The following RPAP2 variants were observed in gnomAD, a reference collection of about 807,000 sequenced individuals.
RPAP2 encodes the protein putative RNA polymerase II subunit B1 CTD phosphatase RPAP2.
RPAP2 carries 52 observed loss-of-function variants against 73.1 expected under a neutral mutation model. The observed-to-expected ratio is 0.71, with a 90% CI of 0.57 to 0.90. RPAP2 has a LOEUF of 0.90. Among genes scored for constraint, RPAP2 ranks in the 40% least tolerant of loss-of-function variants. The probability of loss-of-function intolerance (pLI) is 0.00; values close to 1 mark genes in which losing one functional copy is unlikely to be tolerated. For synonymous variants in RPAP2, 225 were observed against 242.1 expected (o/e 0.93, Z 0.65); for missense variants, 598 against 701.8 (o/e 0.85, Z 1.67).
chr1:92,318,908 T>C (rs868574101), intron 6 of RPAP2, among the ~76,000 whole-genome samples: 3 of 152,280 alleles, frequency 2.0e-5, no homozygotes, highest in South Asian at 4.1e-4. Flanking sequence ...GTAGGAAATA[T>C]GGAAGTTGAA....
chr1:92,381,353 C>T (rs1256967734), intron 12 of RPAP2, among the ~76,000 whole-genome samples: 1 of 152,184 alleles, frequency 6.6e-6, no homozygotes, highest in East Asian at 1.9e-4. Flanking sequence ...TTTGTTGAAT[C>T]CTAACCCTGT....
chr1:92,356,591 T>TG (rs1322429132), intron 11 of RPAP2, among the ~76,000 whole-genome samples: 2 of 150,098 alleles, frequency 1.3e-5, no homozygotes, highest in South Asian at 2.1e-4. Context: ...GCTAATTTTT[T>TG]TTTTTTTTTT....
intron 11 of RPAP2, among the ~76,000 whole-genome samples, chr1:92,357,488 G>C (rs1437904274): frequency 6.6e-6 from 1 of 152,148 alleles, no homozygotes; most frequent in Non-Finnish European, 1.5e-5. Context: ...AAAAAAGCAA[G>C]ATAAGGCTGA....
intron 7 of RPAP2, 65 bp downstream of exon 7, chr1:92,320,699 C>CCCTG: frequency 7.5e-7 from 1 of 1,324,828 alleles, no homozygotes; most frequent in Non-Finnish European, 1.1e-6. Context: ...TAGGAGTGAA[C>CCCTG]CAGGTGATAT....
intron 10 of RPAP2, among the ~76,000 whole-genome samples, chr1:92,340,689 C>T (rs1011953809): frequency 6.6e-5 from 10 of 152,112 alleles, no homozygotes; most frequent in Admixed American, 2.0e-4. Context: ...GAGTTAAGAG[C>T]CTATTTTGGG....
In RPAP2 at chr1:92,374,171, CAA is replaced by C. The variant is rs1016589835; in HGVS notation, c.1689-6552_1689-6551del. ...CTATTCTATTACATTGAGAAGCCAACAAGAGAGATTATAAAGAATCAGGGGTA... is the reference window on the plus strand; with the variant it reads ...CTATTCTATTACATTGAGAAGCCAACGAGAGATTATAAAGAATCAGGGGTA... On this transcript the variant is annotated intron_variant, in intron 11 of 12. Coordinates refer to ENST00000610020, the MANE Select transcript of RPAP2 (RefSeq NM_024813.3). Among the ~76,000 whole-genome samples, 63 of 152,084 alleles carry C rather than the reference CAA, an allele frequency of 4.1e-4. 1 individual carries two copies. Among genetic ancestry groups the C allele is most frequent in the African/African-American group, 1.5e-3 (62 of 41,476 alleles).
intron 6 of RPAP2, among the ~76,000 whole-genome samples, chr1:92,314,483 G>T (rs1466744258): frequency 2.0e-5 from 3 of 152,140 alleles, no homozygotes; most frequent in Non-Finnish European, 4.4e-5. Flanking sequence ...GGACACAGAG[G>T]CTAACACCAG....
At chr1:92,330,832 A>G (rs1236207923) in intron 8 of RPAP2, among the ~76,000 whole-genome samples, 2 of 152,194 alleles carry the variant, frequency 1.3e-5, no homozygotes, top group Admixed American at 6.5e-5. Context: ...AGTGCTTACT[A>G]TACAATGTGT....
chr1:92,364,533 A>G (rs141489129), intron 11 of RPAP2, among the ~76,000 whole-genome samples: 6 of 151,986 alleles, frequency 3.9e-5, no homozygotes, highest in African/African-American at 1.2e-4. Context: ...CTTCATTTGG[A>G]TATCTCCCAA....
chr1:92,378,183 T>C (rs1027713663), intron 11 of RPAP2, among the ~76,000 whole-genome samples: 3 of 151,528 alleles, frequency 2.0e-5, no homozygotes. Flanking sequence ...ACCACTTTAT[T>C]TATTCATTCA....
rs1655923846 is a variant in RPAP2 at position 92,387,913 on chromosome 1, T to C, written c.*902T>C. 6.6e-6 allele frequency: 1 copy of C among 152,184 alleles called. No homozygotes were observed. The highest frequency in any genetic ancestry group is 2.4e-5 in the African/African-American group (1 of 41,448). 9.4% of individuals were successfully genotyped at this position (152,184 alleles called of 1,614,324 possible). A position where few individuals can be genotyped will look rare whatever the true frequency, so the allele number is the denominator to read the frequency against. ...ATTGGCTACTGCCATACAATCTCTA[T>C]GGGAAAGGACTGCAAAAACTAAATT... On this transcript the variant is annotated 3_prime_UTR_variant, in exon 13 of 13. Transcript: ENST00000610020.
chr1:92,316,916 G>A (rs1221566300), intron 6 of RPAP2, among the ~76,000 whole-genome samples: 1 of 152,194 alleles, frequency 6.6e-6, no homozygotes, highest in African/African-American at 2.4e-5. Flanking sequence ...GGGGATGAGG[G>A]AAGGTATTTA....
chr1:92,387,248 T>A lies in RPAP2; in HGVS notation c.*237T>A, dbSNP rs1162355858. 15 of 346,230 alleles carry A rather than the reference T, an allele frequency of 4.3e-5. No individual in the cohort carries two copies. In the East Asian group the frequency reaches 6.5e-4, roughly 15 times the overall value. The allele number at this position is 346,230 out of a possible 1,614,324, so 21.4% of individuals were successfully genotyped here. A position where few individuals can be genotyped will look rare whatever the true frequency, so the allele number is the denominator to read the frequency against. ...AATAACCAAGTCTTTGTATCCCTAG[T>A]ACAAGACATAGTATTTTTATTCGAA... On this transcript the variant is annotated 3_prime_UTR_variant, in exon 13 of 13. Transcript: ENST00000610020.
At chr1:92,303,186 C>G (rs551780263) in intron 3 of RPAP2, among the ~76,000 whole-genome samples, 46 of 152,174 alleles carry the variant, frequency 3.0e-4, no homozygotes, top group African/African-American at 1.1e-3. Context: ...GTTGATAGAT[C>G]TTTTTCTAAA....
chr1:92,339,935 T>C (rs1653509901), intron 10 of RPAP2, among the ~76,000 whole-genome samples: 1 of 152,208 alleles, frequency 6.6e-6, no homozygotes, highest in Non-Finnish European at 1.5e-5. Flanking sequence ...TTATCTAGAT[T>C]AGCAGTAGTG....
chr1:92,373,158 CAAAG>C (rs67356724), intron 11 of RPAP2, among the ~76,000 whole-genome samples: 7,293 of 151,088 alleles, frequency 0.048, 594 homozygotes, highest in African/African-American at 0.17. Context: ...GGAGAAAAAG[CAAAG>C]AAAGGAAGTA....
chr1:92,346,900 T>C (rs576659258), intron 11 of RPAP2, among the ~76,000 whole-genome samples: 11 of 152,218 alleles, frequency 7.2e-5, no homozygotes, highest in Non-Finnish European at 1.3e-4. Context: ...TTAGAGGTCA[T>C]TGAAGCCCAT....
intron 6 of RPAP2, among the ~76,000 whole-genome samples, chr1:92,318,116 C>T (rs1411269468): frequency 1.3e-5 from 2 of 152,184 alleles, no homozygotes; most frequent in Non-Finnish European, 2.9e-5. Flanking sequence ...CTACAGTCAG[C>T]GATTACAGTG....
At chr1:92,371,229 T>C (rs1164581387) in intron 11 of RPAP2, among the ~76,000 whole-genome samples, 9 of 151,180 alleles carry the variant, frequency 6.0e-5, no homozygotes, top group Admixed American at 6.0e-4. Context: ...CACTTGAACC[T>C]GGAAGGCAGA....
Sources: allele counts gnomAD v4.1 joint callset (sites outside exome capture counted in the v4.1 genomes callset), GRCh38; gene constraint gnomAD v4.1.1; transcripts MANE v1.5; gene names NCBI Gene and HGNC (gene_info 2026-07-23, HGNC 2026-07-21).